Variants in TTLL5 observed in about 807,000 individuals in gnomAD.
The protein encoded by TTLL5 is tubulin polyglutamylase TTLL5.
Under a neutral mutation model 168.4 loss-of-function variants are expected in TTLL5, and 132 were observed. That is an observed-to-expected ratio of 0.78 (90% CI 0.68 to 0.91). The LOEUF is 0.91. TTLL5 is among the 40% of genes least tolerant of loss of function. The pLI, the probability that TTLL5 is intolerant of heterozygous loss-of-function variation, is 0.00. For synonymous variants in TTLL5, 546 were observed against 558.6 expected (o/e 0.98, Z 0.32); for missense variants, 1,545 against 1,581.5 (o/e 0.98, Z 0.39).
At chr14:75,743,575 CTTTTTTTTTTTTT>C (rs33959405) in intron 15 of TTLL5, among the ~76,000 whole-genome samples, 1 of 63,098 alleles carries the variant, frequency 1.6e-5, no homozygotes, top group African/African-American at 6.9e-5. Context: ...TGGCATCGCT[CTTTTTTTTTTTTT>C]TTTTTTTTTT....
At chr14:75,701,057 C>A (rs190914376) in intron 7 of TTLL5, among the ~76,000 whole-genome samples, 202 of 145,694 alleles carry the variant, frequency 1.4e-3, no homozygotes, top group Non-Finnish European at 2.6e-3. Flanking sequence ...ATTTTTAATT[C>A]TTTTCCCATC....
At chr14:75,745,013 G>A in intron 15 of TTLL5, 82 bp from the exon 16 acceptor site, 1 of 1,084,922 alleles carries the variant, frequency 9.2e-7, no homozygotes, top group Non-Finnish European at 1.3e-6. Flanking sequence ...AAATAATGAT[G>A]TTGAGGGAAT....
At chr14:75,865,263 G>A (rs1366193148) in intron 29 of TTLL5, among the ~76,000 whole-genome samples, 1 of 141,664 alleles carries the variant, frequency 7.1e-6, no homozygotes, top group Non-Finnish European at 1.5e-5. Context: ...TGTCTTAGTT[G>A]TTGTTTTTTT....
At chr14:75,825,018 C>A (rs571892857) in intron 28 of TTLL5, among the ~76,000 whole-genome samples, 2 of 152,208 alleles carry the variant, frequency 1.3e-5, no homozygotes, top group East Asian at 3.9e-4. Flanking sequence ...AAGTGTGTGA[C>A]CTTGGGCAAG....
intron 29 of TTLL5, among the ~76,000 whole-genome samples, chr14:75,864,104 G>A (rs778418361): frequency 5.9e-5 from 9 of 151,784 alleles, no homozygotes; most frequent in Admixed American, 6.6e-5. Flanking sequence ...TCATTTGAAT[G>A]CTTCTATACA....
In TTLL5 at chr14:75,826,730, A is replaced by G. The variant is rs141566300; in HGVS notation, c.3326+6569A>G. On this transcript the variant is annotated intron_variant, in intron 28 of 31. Coordinates refer to ENST00000298832, the MANE Select transcript of TTLL5 (RefSeq NM_015072.5). ...TTAATTCTCCTGGCATGGTTTTTCT[A>G]TCAGCTTCTGTCCCTTCAAGTTAAC... Among the ~76,000 whole-genome samples the G allele has an allele frequency of 2.0e-4, 31 of 152,314 alleles. 1 individual carries two copies. The highest frequency in any genetic ancestry group is 8.3e-4 in the South Asian group (4 of 4,828).
At chr14:75,762,798 T>G (rs890201807) in intron 18 of TTLL5, among the ~76,000 whole-genome samples, 2 of 152,266 alleles carry the variant, frequency 1.3e-5, no homozygotes, top group African/African-American at 4.8e-5. Context: ...TTTTGAGTTT[T>G]TGTTGATAAA....
At chr14:75,781,635 T>C (rs1790882551) in intron 24 of TTLL5, among the ~76,000 whole-genome samples, 1 of 152,168 alleles carries the variant, frequency 6.6e-6, no homozygotes, top group South Asian at 2.1e-4. Context: ...TTATTGAATA[T>C]ACTGATCAAC....
intron 13 of TTLL5, 37 bp from the exon 14 acceptor site, chr14:75,733,952 A>G (rs1462561140): frequency 7.5e-6 from 12 of 1,605,592 alleles, no homozygotes; most frequent in African/African-American, 1.3e-5. Context: ...TAACCTACAC[A>G]CTTATCAATT....
Position 75,846,505 on chromosome 14 carries a change from T to C in TTLL5, c.3327-17162T>C, listed in dbSNP as rs150339119. On this transcript the variant is annotated intron_variant, in intron 28 of 31. Coordinates refer to ENST00000298832, the MANE Select transcript of TTLL5 (RefSeq NM_015072.5). ...ATAAGATGTAAAGAATTAAAAGAGA[T>C]ACTGGCCGGGTGTGGTGGCTCATGC... Among the ~76,000 whole-genome samples, 628 of 152,256 alleles carry C rather than the reference T, an allele frequency of 4.1e-3. 3 individuals carry two copies. Among genetic ancestry groups the C allele is most frequent in the Middle Eastern group, 0.02 (6 of 294 alleles).
chr14:75,895,414 C>T (rs1456532667), intron 30 of TTLL5, among the ~76,000 whole-genome samples: 1 of 152,096 alleles, frequency 6.6e-6, no homozygotes, highest in Non-Finnish European at 1.5e-5. Context: ...AAATTCAGCA[C>T]ATACTATGTC....
At chr14:75,773,367 T>C (rs1891461751) in intron 21 of TTLL5, among the ~76,000 whole-genome samples, 1 of 152,210 alleles carries the variant, frequency 6.6e-6, no homozygotes, top group African/African-American at 2.4e-5. Flanking sequence ...AGTAGAACTA[T>C]GAAATTCAAC....
chr14:75,791,757 C>G (rs1892742770), intron 26 of TTLL5, among the ~76,000 whole-genome samples: 1 of 151,956 alleles, frequency 6.6e-6, no homozygotes, highest in African/African-American at 2.4e-5. Flanking sequence ...GTTACAGATT[C>G]AGAAAATCAG....
chr14:75,690,435 A>T lies in TTLL5; in HGVS notation c.502+113A>T. ...TCAGGGCTTTCCAAATCCTTAGACA[A>T]CTGTGACTCTTTAGTAAAACAGTTG... On this transcript the variant is annotated intron_variant, in intron 6 of 31. Coordinates refer to ENST00000298832, the MANE Select transcript of TTLL5 (RefSeq NM_015072.5). The T allele has an allele frequency of 8.4e-6, 11 of 1,308,894 alleles. No homozygotes were observed. In the East Asian group the frequency reaches 2.5e-4, roughly 30 times the overall value. 81.1% of individuals were successfully genotyped at this position (1,308,894 alleles called of 1,614,324 possible).
intron 25 of TTLL5, 108 bp from the exon 26 acceptor site, chr14:75,783,039 T>C: frequency 8.0e-7 from 1 of 1,244,916 alleles, no homozygotes; most frequent in Non-Finnish European, 1.1e-6. Flanking sequence ...TGATTTCTGT[T>C]TCATGCCAAG....
intron 27 of TTLL5, among the ~76,000 whole-genome samples, chr14:75,813,722 A>C (rs1017819103): frequency 1.7e-4 from 26 of 152,172 alleles, no homozygotes; most frequent in Non-Finnish European, 3.4e-4. Context: ...TTAAAGGTCC[A>C]AACACAGACT....
At chr14:75,807,661 T>C (rs1205766956) in intron 27 of TTLL5, among the ~76,000 whole-genome samples, 2 of 152,228 alleles carry the variant, frequency 1.3e-5, no homozygotes, top group Non-Finnish European at 2.9e-5. Context: ...GATGGCAAGT[T>C]ACTGTGCTAA....
intron 26 of TTLL5, among the ~76,000 whole-genome samples, chr14:75,790,005 T>C (rs1398736781): frequency 6.6e-6 from 1 of 152,120 alleles, no homozygotes; most frequent in Admixed American, 6.5e-5. Context: ...GTAGACAGAT[T>C]GACCAGTGGA....
chr14:75,725,493 A>G (rs534140628), intron 12 of TTLL5, among the ~76,000 whole-genome samples: 2 of 152,298 alleles, frequency 1.3e-5, no homozygotes, highest in South Asian at 2.1e-4. Context: ...GTCTTCGACA[A>G]TTTTGGTTGG....
Sources: gnomAD v4.1 joint callset for allele counts (sites outside exome capture counted in the v4.1 genomes callset) on GRCh38, gnomAD v4.1.1 for gene constraint, MANE v1.5 for transcripts, NCBI Gene and HGNC (gene_info 2026-07-23, HGNC 2026-07-21) for gene names.